The following CATSPERB variants were observed in gnomAD, a reference collection of about 807,000 sequenced individuals.
The protein encoded by CATSPERB is cation channel sperm-associated auxiliary subunit beta.
A neutral mutation model predicts 128.3 loss-of-function variants in CATSPERB; 93 were observed. The ratio of observed to expected loss-of-function variants is 0.72; its 90% CI spans 0.61 to 0.86. The LOEUF (loss-of-function observed/expected upper bound fraction) is 0.86. CATSPERB is among the 40% of genes least tolerant of loss of function. CATSPERB has a pLI of 0.00. For missense variants in CATSPERB, 1,153 were observed against 1,329.5 expected (o/e 0.87, Z 2.06); for synonymous variants, 381 against 448.8 (o/e 0.85, Z 1.91).
chr14:91,640,891 T>A (rs1894484415), intron 15 of CATSPERB, among the ~76,000 whole-genome samples: 1 of 151,792 alleles, frequency 6.6e-6, no homozygotes, highest in Non-Finnish European at 1.5e-5. Flanking sequence ...TTTCTCCACA[T>A]CCTCTCCAGC....
intron 17 of CATSPERB, among the ~76,000 whole-genome samples, chr14:91,627,085 T>C (rs1894178068): frequency 6.6e-6 from 1 of 152,228 alleles, no homozygotes; most frequent in Non-Finnish European, 1.5e-5. Context: ...ATTACAACAA[T>C]GGGATACAAT....
chr14:91,679,221 A>G (rs1187202068), intron 11 of CATSPERB, among the ~76,000 whole-genome samples: 3 of 152,206 alleles, frequency 2.0e-5, no homozygotes, highest in Admixed American at 6.5e-5. Flanking sequence ...AAATGTTAAC[A>G]TCTGATAAAC....
At chr14:91,722,555 A>T (rs1383813582) in intron 4 of CATSPERB, among the ~76,000 whole-genome samples, 2 of 152,126 alleles carry the variant, frequency 1.3e-5, no homozygotes, top group Admixed American at 1.3e-4. Flanking sequence ...TCACTTTTGG[A>T]GTGACTAAAG....
At chr14:91,696,448 A>G (rs1895563101) in intron 7 of CATSPERB, among the ~76,000 whole-genome samples, 1 of 152,234 alleles carries the variant, frequency 6.6e-6, no homozygotes, top group Non-Finnish European at 1.5e-5. Context: ...TGGAACTGGC[A>G]ATATGGAAAC....
intron 9 of CATSPERB, among the ~76,000 whole-genome samples, chr14:91,692,135 C>G (rs1895482398): frequency 6.7e-6 from 1 of 149,894 alleles, no homozygotes; most frequent in East Asian, 1.9e-4. Flanking sequence ...TGAGATCACG[C>G]CACTGCACTC....
chr14:91,641,504 A>G (rs948619253), intron 15 of CATSPERB, among the ~76,000 whole-genome samples: 1 of 152,082 alleles, frequency 6.6e-6, no homozygotes, highest in Non-Finnish European at 1.5e-5. Flanking sequence ...GGTTTGTCAA[A>G]GATCAGATAG....
chr14:91,676,523 C>CT (rs11351465), intron 11 of CATSPERB, among the ~76,000 whole-genome samples: 96 of 146,964 alleles, frequency 6.5e-4, no homozygotes, highest in Non-Finnish European at 6.5e-4. Context: ...TCTCTATCTT[C>CT]TTTTTTTTTT....
chr14:91,620,881 T>A (rs1045685916), intron 19 of CATSPERB, among the ~76,000 whole-genome samples: 4 of 152,116 alleles, frequency 2.6e-5, no homozygotes, highest in African/African-American at 7.2e-5. Flanking sequence ...TATCTGCACA[T>A]AAGAGGATCT....
At chr14:91,708,114 ATT>A (rs1895766418) in intron 6 of CATSPERB, 25 bp downstream of exon 6, 1 of 1,500,776 alleles carries the variant, frequency 6.7e-7, no homozygotes, top group Non-Finnish European at 9.3e-7. Context: ...TATGAATTCC[ATT>A]TTACTTCTGT....
intron 26 of CATSPERB, among the ~76,000 whole-genome samples, chr14:91,584,825 G>A (rs1893269266): frequency 1.3e-5 from 2 of 151,982 alleles, no homozygotes; most frequent in Non-Finnish European, 2.9e-5. Flanking sequence ...GTTTTTCTCT[G>A]ACCACTTTTA....
intron 11 of CATSPERB, among the ~76,000 whole-genome samples, chr14:91,677,295 A>G (rs1164723031): frequency 6.6e-6 from 1 of 152,204 alleles, no homozygotes; most frequent in Admixed American, 6.5e-5. Context: ...CAACCTACGA[A>G]TGGGAGAATA....
chr14:91,660,091 C>T, intron 14 of CATSPERB, 110 bp from the exon 15 acceptor site: 1 of 764,958 alleles, frequency 1.3e-6, no homozygotes, highest in Non-Finnish European at 2.1e-6. Flanking sequence ...TTCCATATGC[C>T]TACATTCATC....
chr14:91,588,065 TGGC>T lies in CATSPERB; in HGVS notation c.2967_2969del (p.Pro990del), dbSNP rs778394116. ...ATTGTTTCATTCTTTTAATATTTTC[TGGC>T]ACAGTGTGTTCTAAAAATACATAAA... On this transcript the variant is annotated inframe_deletion, in exon 25 of 27. Transcript: ENST00000256343. 3 of 1,601,576 alleles carry T rather than the reference TGGC, an allele frequency of 1.9e-6. No homozygotes were observed. In the African/African-American group the frequency reaches 4.0e-5, roughly 21 times the overall value.
chr14:91,721,274 G>C (rs1220119109), intron 4 of CATSPERB, among the ~76,000 whole-genome samples: 1 of 152,088 alleles, frequency 6.6e-6, no homozygotes, highest in African/African-American at 2.4e-5. Flanking sequence ...ACACTATAAA[G>C]AAAGTGAAAA....
chr14:91,661,542 TA>T (rs1416969406), intron 14 of CATSPERB, among the ~76,000 whole-genome samples: 2 of 146,828 alleles, frequency 1.4e-5, no homozygotes, highest in African/African-American at 5.0e-5. Flanking sequence ...TATATATATA[TA>T]TATATTTAAG....
chr14:91,689,780 G>A (rs1895435397), intron 10 of CATSPERB, among the ~76,000 whole-genome samples: 2 of 151,714 alleles, frequency 1.3e-5, no homozygotes, highest in South Asian at 4.2e-4. Context: ...TTAGTTTTTT[G>A]GTAATTATCC....
Position 91,679,252 on chromosome 14 carries a change from C to G in CATSPERB, c.931+4625G>C, listed in dbSNP as rs181090342. Among the ~76,000 whole-genome samples, 4 of 152,120 alleles carry G rather than the reference C, an allele frequency of 2.6e-5. No homozygotes were observed. The East Asian group carries it at 7.7e-4, about 29-fold the overall frequency. On this transcript the variant is annotated intron_variant, in intron 11 of 26. Coordinates refer to ENST00000256343, the MANE Select transcript of CATSPERB (RefSeq NM_024764.4). ...TAAACAGTTCAGGATTTCTTGCTTC[C>G]TAAGCTTTCACTAAAGTTTAAAGTT...
chr14:91,616,733 C>CTTTTTTTTTTTTTTTTTTT (rs1555360386), intron 20 of CATSPERB, among the ~76,000 whole-genome samples: 1 of 84,484 alleles, frequency 1.2e-5, no homozygotes, highest in Non-Finnish European at 2.2e-5. Context: ...AAGTATTCCC[C>CTTTTTTTTTTTTTTTTTTT]TTTTTTTTTT....
intron 22 of CATSPERB, among the ~76,000 whole-genome samples, chr14:91,598,396 T>C (rs567407092): frequency 6.6e-6 from 1 of 152,212 alleles, no homozygotes; most frequent in South Asian, 2.1e-4. Flanking sequence ...ATTATTTAAT[T>C]TAATATAACT....
Sources: allele counts gnomAD v4.1 joint callset (sites outside exome capture counted in the v4.1 genomes callset), GRCh38; gene constraint gnomAD v4.1.1; transcripts MANE v1.5; gene names NCBI Gene and HGNC (gene_info 2026-07-23, HGNC 2026-07-21).